CCDC7: variants seen among roughly 807,000 people sequenced by gnomAD.
CCDC7 encodes the protein coiled-coil domain containing 7, also known as coiled-coil domain-containing protein 7.
A neutral mutation model predicts 196.9 loss-of-function variants in CCDC7; 183 were observed. The observed-to-expected ratio is 0.93, with a 90% CI of 0.82 to 1.05. CCDC7 has a LOEUF of 1.05. Among genes scored for constraint, CCDC7 ranks in the 50% least tolerant of loss-of-function variants. The pLI is 0.00. For missense variants in CCDC7, 1,540 were observed against 1,482.2 expected (o/e 1.04, Z -0.64); for synonymous variants, 525 against 484.6 (o/e 1.08, Z -1.10).
At chr10:32,687,250 A>G (rs1198062335) in intron 22 of CCDC7, among the ~76,000 whole-genome samples, 1 of 152,226 alleles carries the variant, frequency 6.6e-6, no homozygotes, top group Non-Finnish European at 1.5e-5. Context: ...GATCATGAAG[A>G]GCTGAGCAAT....
intron 21 of CCDC7, among the ~76,000 whole-genome samples, chr10:32,681,738 T>TACAC (rs57829018): frequency 0.088 from 12,133 of 137,476 alleles, 690 homozygotes; most frequent in African/African-American, 0.16. Flanking sequence ...TTTATATGTA[T>TACAC]ACACACACAC....
intron 24 of CCDC7, among the ~76,000 whole-genome samples, chr10:32,710,984 A>G (rs1326938962): frequency 1.3e-5 from 2 of 152,204 alleles, no homozygotes; most frequent in Non-Finnish European, 2.9e-5. Context: ...GGTAGGATGT[A>G]TCAGCATAGA....
At chr10:32,554,407 G>T (rs1262690392) in intron 13 of CCDC7, among the ~76,000 whole-genome samples, 1 of 152,146 alleles carries the variant, frequency 6.6e-6, no homozygotes, top group Non-Finnish European at 1.5e-5. Flanking sequence ...TTACCCCCTG[G>T]TCCTCTGTCT....
chr10:32,685,945 G>T, intron 21 of CCDC7, 25 bp from the exon 23 acceptor site: 1 of 1,075,446 alleles, frequency 9.3e-7, no homozygotes. Flanking sequence ...CTATTTAGTG[G>T]AATAAATGTA....
chr10:32,712,051 G>C (rs140352241), intron 25 of CCDC7, among the ~76,000 whole-genome samples: 1 of 152,120 alleles, frequency 6.6e-6, no homozygotes, highest in Non-Finnish European at 1.5e-5. Context: ...ATCTGTTGTA[G>C]TCCCAGTCAG....
chr10:32,531,377 G>C (rs941957425), intron 11 of CCDC7, among the ~76,000 whole-genome samples: 13 of 152,138 alleles, frequency 8.5e-5, no homozygotes, highest in Middle Eastern at 6.3e-3. Flanking sequence ...TCCTACCTCA[G>C]CCTCCCAAAA....
At chr10:32,846,323 TGTATG>T in intron 36 of CCDC7, 48 bp from the exon 38 acceptor site, 1 of 1,051,742 alleles carries the variant, frequency 9.5e-7, no homozygotes, top group Non-Finnish European at 1.4e-6. Flanking sequence ...CGTATACACA[TGTATG>T]GTAATGTTTA....
chr10:32,707,002 G>T (rs2079891836), intron 24 of CCDC7, among the ~76,000 whole-genome samples: 1 of 152,108 alleles, frequency 6.6e-6, no homozygotes, highest in African/African-American at 2.4e-5. Context: ...CCAAAGCCTG[G>T]CAGAGACACA....
At chr10:32,499,095 T>C (rs1241606272) in intron 9 of CCDC7, 2 of 151,016 alleles carry the variant, frequency 1.3e-5, no homozygotes, top group Non-Finnish European at 3.0e-5. Flanking sequence ...CTTTTTTTTT[T>C]TTTTTTTCCA....
chr10:32,634,448 G>A (rs916892102), intron 19 of CCDC7, 84 bp downstream of exon 20: 2 of 517,988 alleles, frequency 3.9e-6, no homozygotes, highest in Non-Finnish European at 5.7e-6. Context: ...CCAGGCTGGA[G>A]TGCAGTGGCA....
intron 10 of CCDC7, 132 bp downstream of exon 11, chr10:32,518,107 A>G (rs2047331501): frequency 2.6e-6 from 3 of 1,167,424 alleles, no homozygotes; most frequent in Admixed American, 3.0e-5. Context: ...ATTTGTATGC[A>G]TATGTGAACT....
At chr10:32,529,537 T>G (rs1390360841) in intron 11 of CCDC7, among the ~76,000 whole-genome samples, 1 of 152,206 alleles carries the variant, frequency 6.6e-6, no homozygotes, top group Non-Finnish European at 1.5e-5. Context: ...TGTTGAGCAT[T>G]TTTTTATGTT....
At chr10:32,791,238 G>A (rs1417357726) in intron 29 of CCDC7, among the ~76,000 whole-genome samples, 1 of 148,924 alleles carries the variant, frequency 6.7e-6, no homozygotes, top group African/African-American at 2.5e-5. Flanking sequence ...ATCTGCAAGT[G>A]AGTCTTTTTC....
chr10:32,836,965 A>C (rs2092654144), intron 33 of CCDC7, among the ~76,000 whole-genome samples: 1 of 152,188 alleles, frequency 6.6e-6, no homozygotes, highest in African/African-American at 2.4e-5. Flanking sequence ...TAAAACCATA[A>C]AAACCCTAGA....
intron 18 of CCDC7, among the ~76,000 whole-genome samples, chr10:32,585,842 C>T (rs2059216439): frequency 6.6e-6 from 1 of 152,154 alleles, no homozygotes; most frequent in East Asian, 1.9e-4. Context: ...CATACATGTG[C>T]ATGTGTCTTT....
intron 41 of CCDC7, among the ~76,000 whole-genome samples, chr10:32,867,560 A>G (rs912871970): frequency 6.6e-6 from 1 of 151,432 alleles, no homozygotes; most frequent in African/African-American, 2.4e-5. Context: ...AAAGATTTTT[A>G]AAACCCTATT....
intron 18 of CCDC7, among the ~76,000 whole-genome samples, chr10:32,588,486 C>A (rs1308632706): frequency 6.6e-6 from 1 of 151,998 alleles, no homozygotes; most frequent in Non-Finnish European, 1.5e-5. Context: ...TAGTTTGAAC[C>A]ACACTTTCTT....
upstream of CCDC7, among the ~76,000 whole-genome samples, chr10:32,448,538 C>A (rs1360359712): frequency 6.6e-6 from 1 of 151,840 alleles, no homozygotes; most frequent in African/African-American, 2.4e-5. Context: ...TTTATAACAT[C>A]TGTAAGTTTT....
At chr10:32,860,246 A>G (rs2093928882) in intron 41 of CCDC7, among the ~76,000 whole-genome samples, 1 of 152,220 alleles carries the variant, frequency 6.6e-6, no homozygotes, top group Admixed American at 6.5e-5. Flanking sequence ...CTGGGATGCA[A>G]GGCTGGTTCA....
Sources: allele counts gnomAD v4.1 joint callset (sites outside exome capture counted in the v4.1 genomes callset), GRCh38; gene constraint gnomAD v4.1.1; transcripts MANE v1.5; gene names NCBI Gene and HGNC (gene_info 2026-07-23, HGNC 2026-07-21).